The following DCC variants were observed in gnomAD, a reference collection of about 807,000 sequenced individuals.
DCC encodes DCC netrin 1 receptor, also known as netrin receptor DCC.
Under a neutral mutation model 172.5 loss-of-function variants are expected in DCC, and 58 were observed. The observed-to-expected ratio is 0.34, with a 90% CI of 0.27 to 0.42. DCC has a LOEUF of 0.42. DCC is among the 10% of genes least tolerant of loss of function. DCC has a pLI of 1.00. For missense variants in DCC, 1,740 were observed against 1,791.0 expected, an observed-to-expected ratio of 0.97 and a Z score of 0.51; for synonymous variants, 709 against 644.5, an observed-to-expected ratio of 1.10 and a Z score of -1.52.
At chr18:52,817,245 G>T (rs951255013) in intron 2 of DCC, among the ~76,000 whole-genome samples, 1 of 151,980 alleles carries the variant, frequency 6.6e-6, no homozygotes, top group South Asian at 2.1e-4. Flanking sequence ...CACTTTTTGT[G>T]TAATATTTCT....
chr18:52,730,544 C>A (rs2036622829), intron 1 of DCC, among the ~76,000 whole-genome samples: 1 of 152,282 alleles, frequency 6.6e-6, no homozygotes, highest in East Asian at 1.9e-4. Context: ...TTTGTAAATC[C>A]TGGATTCCAA....
intron 15 of DCC, among the ~76,000 whole-genome samples, chr18:53,349,769 A>G (rs1223679326): frequency 2.0e-5 from 3 of 152,184 alleles, no homozygotes; most frequent in African/African-American, 7.2e-5. Flanking sequence ...TCACGAGAGC[A>G]ATGCAGGAAA....
At chr18:52,664,920 A>G (rs1051693128) in intron 1 of DCC, among the ~76,000 whole-genome samples, 1 of 152,144 alleles carries the variant, frequency 6.6e-6, no homozygotes, top group African/African-American at 2.4e-5. Context: ...CCCTCCCTCC[A>G]ACACTGAATG....
chr18:52,571,419 A>G (rs751080228), intron 1 of DCC, among the ~76,000 whole-genome samples: 1 of 151,298 alleles, frequency 6.6e-6, no homozygotes, highest in Non-Finnish European at 1.5e-5. Flanking sequence ...AAAGAAAAAT[A>G]TCCCAGTTGT....
intron 7 of DCC, among the ~76,000 whole-genome samples, chr18:53,087,392 A>C (rs1032681493): frequency 1.3e-5 from 2 of 151,608 alleles, no homozygotes; most frequent in African/African-American, 4.9e-5. Flanking sequence ...TGGCTGCATA[A>C]ATGTCTTCTT....
intron 1 of DCC, among the ~76,000 whole-genome samples, chr18:52,395,649 G>A (rs1191511053): frequency 6.6e-6 from 1 of 152,016 alleles, no homozygotes; most frequent in Admixed American, 6.6e-5. Context: ...CAGTCAAACT[G>A]ATACTTCTCG....
At chr18:53,495,585 A>G (rs2046012145) in intron 26 of DCC, among the ~76,000 whole-genome samples, 1 of 151,908 alleles carries the variant, frequency 6.6e-6, no homozygotes, top group South Asian at 2.1e-4. Context: ...GAATCTGACA[A>G]TTTGACGATT....
chr18:53,229,196 A>C (rs1472212465), intron 12 of DCC, among the ~76,000 whole-genome samples: 1 of 152,176 alleles, frequency 6.6e-6, no homozygotes, highest in African/African-American at 2.4e-5. Context: ...AAAATCTTTT[A>C]AAAACAAAGA....
chr18:52,664,470 C>CTTTTTTTTTTTTTTTTTT (rs74178680), intron 1 of DCC, among the ~76,000 whole-genome samples: 19 of 99,796 alleles, frequency 1.9e-4, no homozygotes, highest in African/African-American at 2.5e-4. Context: ...TTTTCTTTTT[C>CTTTTTTTTTTTTTTTTTT]TTTTTCTTTT....
chr18:52,674,171 A>T (rs547844868), intron 1 of DCC, among the ~76,000 whole-genome samples: 1 of 152,138 alleles, frequency 6.6e-6, no homozygotes, highest in Non-Finnish European at 1.5e-5. Context: ...TATAGTGAAG[A>T]TATTTATTAT....
chr18:53,295,550 C>G (rs16956514), intron 12 of DCC, among the ~76,000 whole-genome samples: 5,510 of 134,166 alleles, frequency 0.041, 345 homozygotes, highest in African/African-American at 0.13. Context: ...TAGATAGATA[C>G]TGTAAGTTAA....
intron 7 of DCC, among the ~76,000 whole-genome samples, chr18:53,096,240 G>A (rs1413409234): frequency 6.6e-6 from 1 of 152,148 alleles, no homozygotes; most frequent in East Asian, 1.9e-4. Context: ...TCAGGAGTCT[G>A]AGGCAGGAAG....
intron 2 of DCC, among the ~76,000 whole-genome samples, chr18:52,869,114 C>A (rs1182253920): frequency 6.6e-6 from 1 of 152,248 alleles, no homozygotes; most frequent in African/African-American, 2.4e-5. Flanking sequence ...TGCAATGTGG[C>A]AAATGGGTCA....
intron 9 of DCC, among the ~76,000 whole-genome samples, chr18:53,203,811 A>T (rs1180723115): frequency 1.3e-5 from 2 of 152,366 alleles, no homozygotes; most frequent in Middle Eastern, 3.4e-3. Flanking sequence ...GTAAGGCTGT[A>T]GTTAAACCTG....
chr18:53,007,360 A>G (rs952547986), intron 5 of DCC, among the ~76,000 whole-genome samples: 20 of 152,188 alleles, frequency 1.3e-4, no homozygotes, highest in Admixed American at 6.6e-5. Flanking sequence ...AAATATAATT[A>G]GTTTCCTTTG....
chr18:53,392,972 G>A (rs1294885607), intron 17 of DCC, among the ~76,000 whole-genome samples: 1 of 152,126 alleles, frequency 6.6e-6, no homozygotes, highest in East Asian at 1.9e-4. Flanking sequence ...AAATCAAATA[G>A]TTCAACCCTG....
intron 12 of DCC, among the ~76,000 whole-genome samples, chr18:53,299,485 C>G (rs183202967): frequency 3.9e-5 from 6 of 152,282 alleles, no homozygotes; most frequent in African/African-American, 1.4e-4. Context: ...CATTCCCAAC[C>G]CCTCCGTGAA....
Position 52,772,853 on chromosome 18 carries a change from A to C in DCC, c.412+20479A>C, listed in dbSNP as rs2037366309. On this transcript the variant is annotated intron_variant, in intron 2 of 28. Transcript: ENST00000442544. ...AGTTGAAGTTACAGTAGCACAGTAT[A>C]CATGTTTCTCCTTCTTGCTTATCCT... Among the ~76,000 whole-genome samples the C allele has an allele frequency of 3.3e-5, 5 of 152,354 alleles. No homozygotes were observed. In the South Asian group the frequency reaches 1.0e-3, roughly 32 times the overall value.
At chr18:53,228,567 C>T (rs1041407586) in intron 12 of DCC, among the ~76,000 whole-genome samples, 4 of 152,112 alleles carry the variant, frequency 2.6e-5, no homozygotes, top group African/African-American at 9.6e-5. Context: ...AGAGTTTCTG[C>T]TCTTCCATGG....
Sources: gnomAD v4.1 joint callset for allele counts (sites outside exome capture counted in the v4.1 genomes callset) on GRCh38, gnomAD v4.1.1 for gene constraint, MANE v1.5 for transcripts, NCBI Gene and HGNC (gene_info 2026-07-23, HGNC 2026-07-21) for gene names.